Variants in SEMA5A observed in about 807,000 individuals in gnomAD.
SEMA5A encodes semaphorin 5A, also known as semaphorin-5A.
In SEMA5A, 55 loss-of-function variants were observed where a neutral mutation model predicts 135.5. That is an observed-to-expected ratio of 0.41 (90% confidence interval 0.33 to 0.51). SEMA5A has a LOEUF of 0.51. Ranked by LOEUF, SEMA5A falls within the 20% of genes least tolerant of loss-of-function variation. The pLI is 0.37. For missense variants in SEMA5A, 1,290 were observed against 1,419.9 expected (o/e 0.91, Z 1.47); for synonymous variants, 580 against 546.5 (o/e 1.06, Z -0.85).
At chr5:9,053,076 G>T (rs1030174223) in intron 19 of SEMA5A, among the ~76,000 whole-genome samples, 7 of 152,194 alleles carry the variant, frequency 4.6e-5, no homozygotes, top group African/African-American at 1.7e-4. Flanking sequence ...AGAAAGATGT[G>T]CAGGAGCAAG....
At chr5:9,329,585 A>G (rs1308484425) in intron 4 of SEMA5A, among the ~76,000 whole-genome samples, 1 of 152,226 alleles carries the variant, frequency 6.6e-6, no homozygotes, top group Non-Finnish European at 1.5e-5. Flanking sequence ...TACATGAACT[A>G]ATACATTTGG....
intron 5 of SEMA5A, among the ~76,000 whole-genome samples, chr5:9,307,970 A>G (rs1178808898): frequency 6.6e-6 from 1 of 152,206 alleles, no homozygotes; most frequent in Non-Finnish European, 1.5e-5. Flanking sequence ...AGAAATGGAT[A>G]AAGAGAGTTA....
At position 9,042,701 on chromosome 5, in the gene SEMA5A, T is replaced by G. The variant is rs565181946; in HGVS notation, c.*196A>C. 3.4e-6 allele frequency: 2 copies of G among 586,168 alleles called. No homozygotes were observed. Among genetic ancestry groups the G allele is most frequent in the South Asian group, 4.4e-5 (2 of 45,124 alleles). The allele number at this position is 586,168 out of a possible 1,614,324, so 36.3% of individuals were successfully genotyped here. A position where few individuals can be genotyped will look rare whatever the true frequency, so the allele number is the denominator to read the frequency against. On this transcript the variant is annotated 3_prime_UTR_variant, in exon 23 of 23. Transcript: ENST00000382496. ...CTGGCTCATTCAACAATGGTCAAGA[T>G]TTTCACGATGTCTTATTTCAATTTT...
intron 5 of SEMA5A, among the ~76,000 whole-genome samples, chr5:9,293,345 C>T (rs562809366): frequency 5.3e-5 from 8 of 152,288 alleles, no homozygotes; most frequent in Admixed American, 2.6e-4. Flanking sequence ...AAAATGTCTT[C>T]CTTGAGTGTC....
chr5:9,071,049 G>T (rs1315356946), intron 16 of SEMA5A, among the ~76,000 whole-genome samples: 1 of 152,146 alleles, frequency 6.6e-6, no homozygotes, highest in African/African-American at 2.4e-5. Flanking sequence ...AGGATTTCAG[G>T]AAGCTAACTA....
intron 13 of SEMA5A, among the ~76,000 whole-genome samples, chr5:9,131,354 A>AT (rs752288372): frequency 7.9e-5 from 12 of 152,222 alleles, no homozygotes; most frequent in Non-Finnish European, 1.5e-4. Flanking sequence ...CACGCCTGTA[A>AT]TCCCAGCACT....
intron 1 of SEMA5A, chr5:9,522,694 C>T (rs532898276): frequency 6.6e-6 from 1 of 152,212 alleles, no homozygotes; most frequent in East Asian, 1.9e-4. Flanking sequence ...TTAAACCAAA[C>T]ATTTGAGGCC....
intron 6 of SEMA5A, among the ~76,000 whole-genome samples, chr5:9,227,638 C>A (rs1467750073): frequency 6.7e-6 from 1 of 149,158 alleles, no homozygotes; most frequent in Non-Finnish European, 1.5e-5. Flanking sequence ...GCAAGCTCTG[C>A]CTCCCAGGTT....
chr5:9,102,607 T>C (rs1195530970), intron 16 of SEMA5A, among the ~76,000 whole-genome samples: 5 of 152,066 alleles, frequency 3.3e-5, no homozygotes, highest in Non-Finnish European at 5.9e-5. Context: ...TATTTATACT[T>C]ACTAAAACAG....
At chr5:9,164,054 A>G (rs945389893) in intron 11 of SEMA5A, among the ~76,000 whole-genome samples, 13 of 141,978 alleles carry the variant, frequency 9.2e-5, no homozygotes, top group African/African-American at 3.4e-4. Context: ...ATATATTTAT[A>G]ATATAAATAT....
intron 6 of SEMA5A, among the ~76,000 whole-genome samples, chr5:9,229,465 G>A (rs1042858545): frequency 7.2e-5 from 11 of 152,220 alleles, no homozygotes; most frequent in East Asian, 1.9e-4. Context: ...AGAGGGGTAC[G>A]GGAGCCTATA....
intron 5 of SEMA5A, among the ~76,000 whole-genome samples, chr5:9,263,497 A>C (rs531608110): frequency 1.3e-5 from 2 of 152,214 alleles, no homozygotes; most frequent in South Asian, 4.2e-4. Context: ...GTTTCATCCC[A>C]AAATCAACAC....
chr5:9,055,523 C>T (rs1431572667), intron 18 of SEMA5A, among the ~76,000 whole-genome samples: 3 of 152,002 alleles, frequency 2.0e-5, no homozygotes, highest in Admixed American at 6.6e-5. Context: ...TTTTAATATG[C>T]CTGTCATGAT....
chr5:9,111,132 C>G lies in SEMA5A; in HGVS notation c.1926-2845G>C, dbSNP rs554251551. Among the ~76,000 whole-genome samples the G allele has an allele frequency of 2.0e-5, 3 of 152,280 alleles. No homozygotes were observed. The South Asian group carries it at 6.2e-4, about 32-fold the overall frequency. On this transcript the variant is annotated intron_variant, in intron 15 of 22. Coordinates refer to ENST00000382496, the MANE Select transcript of SEMA5A (RefSeq NM_003966.3). ...AGAAAACTCAGAATATCAGAACTCT[C>G]AGCATTTAGTTAAAATATCTATGTG... is the stretch of plus-strand genomic sequence containing the variant.
intron 1 of SEMA5A, among the ~76,000 whole-genome samples, chr5:9,456,485 AAAGG>A (rs199933758): frequency 0.013 from 2,046 of 151,740 alleles, 44 homozygotes; most frequent in African/African-American, 0.047. Flanking sequence ...AAGTAGAAAA[AAAGG>A]AAGGCTTCTT....
chr5:9,150,417 A>C (rs1381200725), intron 12 of SEMA5A, among the ~76,000 whole-genome samples: 1 of 152,216 alleles, frequency 6.6e-6, no homozygotes, highest in Non-Finnish European at 1.5e-5. Flanking sequence ...CACCAATTCC[A>C]ATGAGTTAGC....
rs1261230344 is a variant in SEMA5A, at chr5:9,384,663, T to C, written c.-77-4640A>G. 2.9e-5 allele frequency among the ~76,000 whole-genome samples: 3 copies of C among 103,166 alleles called. 1 individual carries two copies. Among genetic ancestry groups the C allele is most frequent in the African/African-American group, 1.1e-4 (3 of 26,098 alleles). The allele number at this position is 103,166 out of a possible 152,430, so 67.7% of individuals were successfully genotyped here. ...AGATAGATAGATAGATAGATAGATA[T>C]AGATAGATAGATATAGATAGATAGA... On this transcript the variant is annotated intron_variant, in intron 2 of 22. Coordinates refer to ENST00000382496, the MANE Select transcript of SEMA5A (RefSeq NM_003966.3).
chr5:9,138,726 C>A (rs1384355708), intron 12 of SEMA5A, among the ~76,000 whole-genome samples: 2 of 152,118 alleles, frequency 1.3e-5, no homozygotes, highest in African/African-American at 4.8e-5. Context: ...TCCACTGCAT[C>A]CAATTTGTGG....
intron 11 of SEMA5A, among the ~76,000 whole-genome samples, chr5:9,157,079 A>G (rs1300468974): frequency 1.3e-5 from 2 of 152,252 alleles, no homozygotes; most frequent in Non-Finnish European, 2.9e-5. Context: ...GCTGGTCCAC[A>G]ATGGATGACC....
Sources: gnomAD v4.1 joint callset for allele counts (sites outside exome capture counted in the v4.1 genomes callset) on GRCh38, gnomAD v4.1.1 for gene constraint, MANE v1.5 for transcripts, NCBI Gene and HGNC (gene_info 2026-07-23, HGNC 2026-07-21) for gene names.